Variants in CAMTA1 observed in about 807,000 individuals in gnomAD.
CAMTA1 encodes calmodulin-binding transcription activator 1.
Under a neutral mutation model 170.9 loss-of-function variants are expected in CAMTA1, and 27 were observed. The observed-to-expected ratio is 0.16, with a 90% CI of 0.12 to 0.22. The LOEUF is 0.22. Among genes scored for constraint, CAMTA1 ranks in the 10% least tolerant of loss-of-function variants. The pLI, the probability that CAMTA1 is intolerant of heterozygous loss-of-function variation, is 1.00. For synonymous variants in CAMTA1, 833 were observed against 891.5 expected (o/e 0.93, Z 1.17); for missense variants, 1,619 against 2,217.2 (o/e 0.73, Z 5.42).
intron 3 of CAMTA1, among the ~76,000 whole-genome samples, chr1:7,051,224 T>A (rs1474940574): frequency 6.6e-6 from 1 of 152,128 alleles, no homozygotes; most frequent in African/African-American, 2.4e-5. Context: ...AATCTCAGAA[T>A]TGAGGCAGGC....
chr1:7,552,108 C>T (rs2094810986), intron 6 of CAMTA1, among the ~76,000 whole-genome samples: 1 of 152,202 alleles, frequency 6.6e-6, no homozygotes, highest in South Asian at 2.1e-4. Context: ...CAGTCTGACC[C>T]CAAGGGGCAC....
At chr1:7,457,281 A>G (rs973091080) in intron 5 of CAMTA1, among the ~76,000 whole-genome samples, 3 of 152,136 alleles carry the variant, frequency 2.0e-5, no homozygotes, top group African/African-American at 7.2e-5. Context: ...ATCTTTCAAC[A>G]TGATTTTTAT....
At chr1:7,009,230 CAG>C (rs752805519) in intron 3 of CAMTA1, among the ~76,000 whole-genome samples, 228 of 152,336 alleles carry the variant, frequency 1.5e-3, no homozygotes, top group African/African-American at 5.4e-3. Flanking sequence ...TCCAATGTGG[CAG>C]AGTTGTGAGT....
intron 4 of CAMTA1, among the ~76,000 whole-genome samples, chr1:7,149,964 C>T (rs557391513): frequency 2.6e-5 from 4 of 151,910 alleles, no homozygotes; most frequent in Non-Finnish European, 5.9e-5. Context: ...GAGGCTTCGT[C>T]TCATTTCCTT....
At chr1:7,663,143 C>A (rs370432198) in intron 8 of CAMTA1, among the ~76,000 whole-genome samples, 1 of 152,188 alleles carries the variant, frequency 6.6e-6, no homozygotes, top group Non-Finnish European at 1.5e-5. Flanking sequence ...GTCAAAGGGG[C>A]GTGGGACGGC....
At chr1:7,265,543 A>G (rs1668794724) in intron 5 of CAMTA1, among the ~76,000 whole-genome samples, 1 of 152,066 alleles carries the variant, frequency 6.6e-6, no homozygotes, top group African/African-American at 2.4e-5. Context: ...CGAACTCCTG[A>G]CCTCAAGTGA....
At chr1:7,261,638 A>G (rs1668186649) in intron 5 of CAMTA1, among the ~76,000 whole-genome samples, 1 of 152,128 alleles carries the variant, frequency 6.6e-6, no homozygotes, top group Non-Finnish European at 1.5e-5. Flanking sequence ...CGGATGGTGG[A>G]GGTGGAGGCA....
chr1:6,853,723 A>G (rs1272981389), intron 3 of CAMTA1, among the ~76,000 whole-genome samples: 1 of 152,220 alleles, frequency 6.6e-6, no homozygotes, highest in Non-Finnish European at 1.5e-5. Flanking sequence ...ATAAAATGGT[A>G]GAAAAGCCAT....
intron 6 of CAMTA1, among the ~76,000 whole-genome samples, chr1:7,515,742 C>T (rs978122059): frequency 6.6e-6 from 1 of 152,180 alleles, no homozygotes; most frequent in Non-Finnish European, 1.5e-5. Flanking sequence ...CTCGCGAGCC[C>T]TGGACAGACC....
chr1:7,378,144 A>C (rs996757551), intron 5 of CAMTA1, among the ~76,000 whole-genome samples: 1 of 152,176 alleles, frequency 6.6e-6, no homozygotes, highest in Non-Finnish European at 1.5e-5. Context: ...ATGGTGTTAG[A>C]GGAAATTCTC....
chr1:7,566,621 T>C (rs1158439244), intron 6 of CAMTA1, among the ~76,000 whole-genome samples: 4 of 152,096 alleles, frequency 2.6e-5, no homozygotes, highest in Non-Finnish European at 5.9e-5. Flanking sequence ...TCAAAACCGA[T>C]GTGACACCCA....
At chr1:7,069,167 G>C (rs1016969427) in intron 3 of CAMTA1, among the ~76,000 whole-genome samples, 1 of 152,180 alleles carries the variant, frequency 6.6e-6, no homozygotes, top group Non-Finnish European at 1.5e-5. Flanking sequence ...AGGCAACTGG[G>C]AAAGATTGTC....
intron 3 of CAMTA1, among the ~76,000 whole-genome samples, chr1:7,053,518 C>G (rs1706796013): frequency 6.6e-6 from 1 of 152,198 alleles, no homozygotes; most frequent in Non-Finnish European, 1.5e-5. Context: ...CGTCTTTGCT[C>G]AAAGCCTTTC....
At position 6,830,333 on chromosome 1, in the gene CAMTA1, C is replaced by G. The variant is rs1480795925; in HGVS notation, c.234+5123C>G. Among the ~76,000 whole-genome samples the G allele has an allele frequency of 6.1e-5, 9 of 147,598 alleles. No homozygotes were observed. The Admixed American group carries it at 6.1e-4, about 10-fold the overall frequency. On this transcript the variant is annotated intron_variant, in intron 3 of 22. Coordinates refer to ENST00000303635, the MANE Select transcript of CAMTA1 (RefSeq NM_015215.4). ...TGCTAGGATTACAGGGGTGAGCCAC[C>G]GCACCTGGCCTTGTTTTTTTTTTTT...
At chr1:7,533,950 A>G (rs1229272581) in intron 6 of CAMTA1, among the ~76,000 whole-genome samples, 1 of 152,084 alleles carries the variant, frequency 6.6e-6, no homozygotes, top group African/African-American at 2.4e-5. Context: ...GAAAACGTCC[A>G]GGCTTCTTCC....
intron 3 of CAMTA1, among the ~76,000 whole-genome samples, chr1:6,922,887 C>T (rs959414299): frequency 1.3e-5 from 2 of 152,218 alleles, no homozygotes. Flanking sequence ...CACCCCCTTC[C>T]GTTAAGTGTT....
intron 6 of CAMTA1, among the ~76,000 whole-genome samples, chr1:7,489,957 G>C (rs996553070): frequency 1.3e-5 from 2 of 152,188 alleles, no homozygotes; most frequent in Non-Finnish European, 2.9e-5. Context: ...CAGCGGTTAC[G>C]GGAGGGCACT....
intron 4 of CAMTA1, among the ~76,000 whole-genome samples, chr1:7,108,294 A>G (rs1643804173): frequency 6.6e-6 from 1 of 152,176 alleles, no homozygotes; most frequent in Non-Finnish European, 1.5e-5. Flanking sequence ...GCATCTGTAT[A>G]ATGGGAGTAA....
At chr1:7,704,116 C>T (rs1038462594) in intron 11 of CAMTA1, among the ~76,000 whole-genome samples, 3 of 151,586 alleles carry the variant, frequency 2.0e-5, no homozygotes, top group Non-Finnish European at 4.4e-5. Flanking sequence ...CGCCTCCCCG[C>T]TCGTTGCGCA....
Sources: allele counts gnomAD v4.1 joint callset (sites outside exome capture counted in the v4.1 genomes callset), GRCh38; gene constraint gnomAD v4.1.1; transcripts MANE v1.5; gene names NCBI Gene and HGNC (gene_info 2026-07-23, HGNC 2026-07-21).